DAB1: variants seen among roughly 807,000 people sequenced by gnomAD.
The protein encoded by DAB1 is DAB adaptor protein 1, also known as disabled homolog 1.
DAB1 carries 15 observed loss-of-function variants against 64.6 expected under a neutral mutation model. That is an observed-to-expected ratio of 0.23 (90% CI 0.16 to 0.36). The LOEUF is 0.36. Among genes scored for constraint, DAB1 ranks in the 10% least tolerant of loss-of-function variants. The pLI, the probability that DAB1 is intolerant of heterozygous loss-of-function variation, is 1.00. For missense variants in DAB1, 596 were observed against 706.7 expected (o/e 0.84, Z 1.78); for synonymous variants, 235 against 251.9 (o/e 0.93, Z 0.64).
chr1:57,146,900 T>C (rs1659191390), intron 2 of DAB1, among the ~76,000 whole-genome samples: 1 of 152,204 alleles, frequency 6.6e-6, no homozygotes, highest in Admixed American at 6.5e-5. Context: ...GCCTCAGTTT[T>C]TTAATGTGTT....
intron 14 of DAB1, among the ~76,000 whole-genome samples, chr1:57,008,716 T>C (rs934370060): frequency 2.6e-5 from 4 of 152,206 alleles, no homozygotes; most frequent in African/African-American, 9.6e-5. Context: ...AGCTGAATTT[T>C]AAGCTGATTA....
At chr1:58,463,948 G>A (rs2100317785) in intron 3 of DAB1, among the ~76,000 whole-genome samples, 1 of 152,364 alleles carries the variant, frequency 6.6e-6, no homozygotes, top group Admixed American at 6.5e-5. Flanking sequence ...AGATAGGAAG[G>A]TTTGCATGAG....
intron 3 of DAB1, among the ~76,000 whole-genome samples, chr1:58,458,611 C>T (rs1463672562): frequency 6.6e-6 from 1 of 152,180 alleles, no homozygotes; most frequent in Non-Finnish European, 1.5e-5. Flanking sequence ...CGAGACCAGC[C>T]TGGCCAACAT....
chr1:57,816,176 G>T (rs575819287), intron 6 of DAB1, among the ~76,000 whole-genome samples: 11 of 152,182 alleles, frequency 7.2e-5, no homozygotes, highest in Non-Finnish European at 1.3e-4. Flanking sequence ...AAATGATGAA[G>T]ATTTACACCA....
At chr1:57,339,217 G>A (rs1222404098) in intron 1 of DAB1, among the ~76,000 whole-genome samples, 1 of 150,768 alleles carries the variant, frequency 6.6e-6, no homozygotes, top group Non-Finnish European at 1.5e-5. Context: ...GGGCAGTGGC[G>A]CGATCTCTGC....
At chr1:58,518,286 A>AG (rs1491359894) in intron 2 of DAB1, among the ~76,000 whole-genome samples, 12 of 13,764 alleles carry the variant, frequency 8.7e-4, no homozygotes, top group Non-Finnish European at 1.3e-3. Context: ...AGGAGAAGAG[A>AG]AGAGAAGAGA....
intron 7 of DAB1, among the ~76,000 whole-genome samples, chr1:57,617,002 T>A (rs1645797660): frequency 6.6e-6 from 1 of 152,204 alleles, no homozygotes; most frequent in South Asian, 2.1e-4. Context: ...ATCAGATTTC[T>A]CACCTGTAAA....
At chr1:58,314,182 C>G (rs192535123) in intron 4 of DAB1, among the ~76,000 whole-genome samples, 2 of 152,172 alleles carry the variant, frequency 1.3e-5, no homozygotes. Context: ...ATATGGGGGT[C>G]TGTTCTAACC....
chr1:58,065,298 T>C (rs1290805053), intron 5 of DAB1, among the ~76,000 whole-genome samples: 1 of 152,180 alleles, frequency 6.6e-6, no homozygotes, highest in African/African-American at 2.4e-5. Context: ...ACCATTATAT[T>C]ATAGTACATT....
At chr1:57,075,797 C>T (rs1410347243) in intron 4 of DAB1, among the ~76,000 whole-genome samples, 1 of 152,088 alleles carries the variant, frequency 6.6e-6, no homozygotes, top group African/African-American at 2.4e-5. Context: ...CTCAGGATGA[C>T]AAAGCATTGA....
intron 4 of DAB1, among the ~76,000 whole-genome samples, chr1:58,285,300 C>A (rs1330933616): frequency 6.6e-6 from 1 of 152,078 alleles, no homozygotes; most frequent in Non-Finnish European, 1.5e-5. Flanking sequence ...GAAGTTCTGG[C>A]CAGAGCAATT....
chr1:57,409,691 C>G (rs60790797), intron 1 of DAB1, among the ~76,000 whole-genome samples: 16,215 of 152,144 alleles, frequency 0.11, 948 homozygotes, highest in Admixed American at 0.13. Context: ...TGCCTGTAAT[C>G]CCAGCTACTC....
intron 5 of DAB1, among the ~76,000 whole-genome samples, chr1:57,992,335 A>G (rs1002702657): frequency 6.6e-5 from 10 of 152,182 alleles, no homozygotes; most frequent in Admixed American, 2.6e-4. Flanking sequence ...CCTTGGAAAA[A>G]TTCATCAAGT....
chr1:57,030,174 G>T (rs577776689), intron 9 of DAB1, among the ~76,000 whole-genome samples: 3 of 152,156 alleles, frequency 2.0e-5, no homozygotes, highest in Non-Finnish European at 2.9e-5. Context: ...GATCTGATGG[G>T]TTTATCAGTG....
intron 6 of DAB1, among the ~76,000 whole-genome samples, chr1:57,704,712 T>G (rs572333175): frequency 6.6e-6 from 1 of 152,166 alleles, no homozygotes; most frequent in Non-Finnish European, 1.5e-5. Flanking sequence ...TTGACCAATA[T>G]GTAATTTTGT....
chr1:57,906,196 G>C (rs1220672577), intron 5 of DAB1, among the ~76,000 whole-genome samples: 1 of 152,180 alleles, frequency 6.6e-6, no homozygotes, highest in African/African-American at 2.4e-5. Context: ...CAGCCATTGT[G>C]TATGTAGAAA....
At chr1:57,328,057 C>T (rs1406469729) in intron 1 of DAB1, among the ~76,000 whole-genome samples, 2 of 152,142 alleles carry the variant, frequency 1.3e-5, no homozygotes. Context: ...AAATACACTC[C>T]CTTTGCCTTA....
intron 7 of DAB1, among the ~76,000 whole-genome samples, chr1:57,637,373 C>T (rs1295910777): frequency 6.6e-6 from 1 of 152,134 alleles, no homozygotes; most frequent in Non-Finnish European, 1.5e-5. Context: ...ATCGTGGAAT[C>T]CCAGGGGAAA....
At position 57,519,464 on chromosome 1, in the gene DAB1, A is replaced by G. The variant is rs1238708329; in HGVS notation, n.625+130128T>C. ...TCATCCGATTCTCTCAAATCCTTCC[A>G]GGTGAGTATCTTGACCCCTATTTGC... On this transcript the variant is annotated intron_variant and non_coding_transcript_variant, in intron 7 of 20. Transcript: ENST00000485760. 2.0e-5 allele frequency among the ~76,000 whole-genome samples: 3 copies of G among 152,138 alleles called. No individual in the cohort carries two copies. In the South Asian group the frequency reaches 6.2e-4, roughly 32 times the overall value.
Sources: gnomAD v4.1 joint callset for allele counts (sites outside exome capture counted in the v4.1 genomes callset) on GRCh38, gnomAD v4.1.1 for gene constraint, MANE v1.5 for transcripts, NCBI Gene and HGNC (gene_info 2026-07-23, HGNC 2026-07-21) for gene names.